ZNF652: variants seen among roughly 807,000 people sequenced by gnomAD.
The protein encoded by ZNF652 is zinc finger protein 652.
A neutral mutation model predicts 45.2 loss-of-function variants in ZNF652; 16 were observed. That is an observed-to-expected ratio of 0.35 (90% CI 0.24 to 0.54). The LOEUF is 0.54. Among genes scored for constraint, ZNF652 ranks in the 20% least tolerant of loss-of-function variants. The pLI, the probability that ZNF652 is intolerant of heterozygous loss-of-function variation, is 0.91. For missense variants in ZNF652, 614 were observed against 765.6 expected, an observed-to-expected ratio of 0.80 and a Z score of 2.34; for synonymous variants, 250 against 260.6, an observed-to-expected ratio of 0.96 and a Z score of 0.39.
At position 49,326,192 on chromosome 17, in the gene ZNF652, T is replaced by A. The variant is rs553428253; in HGVS notation, c.-258-8209A>T. On this transcript the variant is annotated intron_variant, in intron 1 of 5. Coordinates refer to ENST00000430262, the MANE Select transcript of ZNF652 (RefSeq NM_001145365.3). ...CTGTGGGAGGCCAAGGTGGGAGAAT[T>A]GCTTGAGCCCAGGAGACCAGCCTGG... Among the ~76,000 whole-genome samples the A allele has an allele frequency of 3.3e-4, 48 of 146,006 alleles. No individual in the cohort carries two copies. In the South Asian group the frequency reaches 0.01, roughly 31 times the overall value.
At chr17:49,301,372 A>C (rs1167700802) in intron 5 of ZNF652, among the ~76,000 whole-genome samples, 1 of 151,938 alleles carries the variant, frequency 6.6e-6, no homozygotes, top group African/African-American at 2.4e-5. Context: ...ATCTCAGCTC[A>C]CTGCAGCCTC....
At chr17:49,338,128 G>A (rs953995033) in intron 1 of ZNF652, among the ~76,000 whole-genome samples, 20 of 149,522 alleles carry the variant, frequency 1.3e-4, no homozygotes, top group African/African-American at 4.4e-4. Flanking sequence ...GCTGGCACAC[G>A]CCACCATGCC....
At position 49,291,969 on chromosome 17, in the gene ZNF652, T is replaced by C. The variant is rs1395450008; in HGVS notation, c.*6444A>G. On this transcript the variant is annotated 3_prime_UTR_variant, in exon 6 of 6. Coordinates refer to ENST00000430262, the MANE Select transcript of ZNF652 (RefSeq NM_001145365.3). Reference sequence around the variant, plus strand: ...ATAACCAATTCTCACAATTTTGCACTATCTCACCAATAATATCTTTCCTGT... The same window carrying C: ...ATAACCAATTCTCACAATTTTGCACCATCTCACCAATAATATCTTTCCTGT... Among the ~76,000 whole-genome samples the C allele has an allele frequency of 6.6e-6, 1 of 152,184 alleles. No homozygotes were observed. Among genetic ancestry groups the C allele is most frequent in the African/African-American group, 2.4e-5 (1 of 41,448 alleles).
chr17:49,317,638 C>A lies in ZNF652; in HGVS notation c.88G>T (p.Gly30Cys), dbSNP rs1454528928. 32 of 1,613,744 alleles carry A rather than the reference C, an allele frequency of 2.0e-5. No individual in the cohort carries two copies. Among genetic ancestry groups the A allele is most frequent in the Non-Finnish European group, 2.7e-5 (32 of 1,179,790 alleles). ...AGMAQEDSRR[G>C]QVPSSFYHGA... ...TGATAAAAGGAAGATGGCACTTGAC[C>A]ACGACGGCTATCTTCTTGTGCCATT... The change falls in exon 2 of 6, where the codon GGT becomes TGT. Residue 30 changes from glycine (G) to cysteine (C), a missense_variant. Gly to Cys is a radical substitution (Grantham distance 159). Coordinates refer to ENST00000430262, the MANE Select transcript of ZNF652 (RefSeq NM_001145365.3).
At chr17:49,318,337 A>G (rs992007070) in intron 1 of ZNF652, among the ~76,000 whole-genome samples, 2 of 152,180 alleles carry the variant, frequency 1.3e-5, no homozygotes, top group Admixed American at 6.5e-5. Flanking sequence ...GGGGCTCCCA[A>G]AGTGCTGGGA....
At position 49,293,679 on chromosome 17, in the gene ZNF652, A is replaced by C. The variant is rs953338516; in HGVS notation, c.*4734T>G. On this transcript the variant is annotated 3_prime_UTR_variant, in exon 6 of 6. Transcript: ENST00000430262. The stretch of plus-strand genomic sequence containing the variant: ...CTAAAAAAAAAAAAAAAAAAAAAAA[A>C]AAAAAACTCTTAAGTAATTTCCTAT... Among the ~76,000 whole-genome samples, 19 of 149,316 alleles carry C rather than the reference A, an allele frequency of 1.3e-4. No individual in the cohort carries two copies. Among genetic ancestry groups the C allele is most frequent in the Admixed American group, 2.7e-4 (4 of 14,874 alleles).
At chr17:49,313,731 G>A (rs566126137) in intron 2 of ZNF652, among the ~76,000 whole-genome samples, 10 of 151,712 alleles carry the variant, frequency 6.6e-5, no homozygotes, top group Middle Eastern at 3.4e-3. Flanking sequence ...CCAGCATTTC[G>A]GGAGGCCAAG....
chr17:49,324,734 CTTTTTTTTTTT>C (rs1185007907), intron 1 of ZNF652, among the ~76,000 whole-genome samples: 2 of 96,242 alleles, frequency 2.1e-5, no homozygotes, highest in African/African-American at 9.0e-5. Flanking sequence ...TGGGGTAGCA[CTTTTTTTTTTT>C]TTTTTTTTTT....
chr17:49,326,881 G>A (rs2069961482), intron 1 of ZNF652, among the ~76,000 whole-genome samples: 1 of 152,118 alleles, frequency 6.6e-6, no homozygotes, highest in Admixed American at 6.5e-5. Context: ...AGACTGCTAC[G>A]CATCACCTTC....
intron 1 of ZNF652, among the ~76,000 whole-genome samples, chr17:49,329,899 A>G (rs1375268925): frequency 6.6e-6 from 1 of 152,222 alleles, no homozygotes; most frequent in Non-Finnish European, 1.5e-5. Context: ...TAGTCATTAC[A>G]CAAGTCAGCT....
chr17:49,298,933 AAC>A lies in ZNF652; in HGVS notation c.1310-11_1310-10del, dbSNP rs753941419. 13 of 1,597,042 alleles carry A rather than the reference AAC, an allele frequency of 8.1e-6. No individual in the cohort carries two copies. The highest frequency in any genetic ancestry group is 8.5e-7 in the Non-Finnish European group (1 of 1,172,010). On this transcript the variant is annotated splice_polypyrimidine_tract_variant and intron_variant, in intron 5 of 5. Coordinates refer to ENST00000430262, the MANE Select transcript of ZNF652 (RefSeq NM_001145365.3). ...GATAAAGGGTTTCTCTCCTGAGATG[AAC>A]ACAGACATAAAAATGATTAACATAT...
chr17:49,316,754 G>A, intron 2 of ZNF652, 72 bp downstream of exon 2: 1 of 1,456,636 alleles, frequency 6.9e-7, no homozygotes, highest in Non-Finnish European at 9.2e-7. Context: ...TATTCTCTTG[G>A]GCGGATACCA....
intron 1 of ZNF652, among the ~76,000 whole-genome samples, chr17:49,347,902 A>T (rs1004568049): frequency 1.3e-5 from 2 of 151,354 alleles, no homozygotes; most frequent in East Asian, 3.9e-4. Flanking sequence ...GCACCACCAC[A>T]CCCAGCTAAG....
chr17:49,325,186 T>C (rs2143830837), intron 1 of ZNF652, among the ~76,000 whole-genome samples: 1 of 152,310 alleles, frequency 6.6e-6, no homozygotes, highest in African/African-American at 2.4e-5. Flanking sequence ...TAGCTTTTGA[T>C]TTAAAATTAG....
chr17:49,346,548 T>C (rs1173830982), intron 1 of ZNF652, among the ~76,000 whole-genome samples: 4 of 131,916 alleles, frequency 3.0e-5, no homozygotes, highest in African/African-American at 8.3e-5. Flanking sequence ...TGAAACTCCG[T>C]CTCAAACAAA....
intron 1 of ZNF652, among the ~76,000 whole-genome samples, chr17:49,332,222 C>T (rs1258950268): frequency 2.0e-4 from 31 of 152,014 alleles, no homozygotes; most frequent in Non-Finnish European, 1.5e-5. Context: ...GAGCTGAGAT[C>T]GCACCACTGC....
chr17:49,361,728 CA>C (rs1290491283), intron 1 of ZNF652, among the ~76,000 whole-genome samples, 180 bp downstream of exon 1: 2 of 152,028 alleles, frequency 1.3e-5, no homozygotes, highest in Admixed American at 6.5e-5. Context: ...CTGAGGAGCT[CA>C]GCGCCCGGGG....
In ZNF652 at chr17:49,317,238, G is replaced by A. The variant is rs2069820577; in HGVS notation, c.488C>T (p.Thr163Ile). ...EEEEESEEEA[T>I]DDSNDYGENE... ...CTCTCCATAGTCATTGCTGTCATCT[G>A]TGGCCTCTTCCTCACTCTCTTCCTC... is the stretch of plus-strand genomic sequence containing the variant. Residue 163 changes from threonine (T) to isoleucine (I), a missense_variant, in exon 2 of 6, where the codon ACA becomes ATA. Transcript: ENST00000430262. The A allele has an allele frequency of 1.2e-6, 2 of 1,612,964 alleles. No homozygotes were observed. Among genetic ancestry groups the A allele is most frequent in the African/African-American group, 1.3e-5 (1 of 74,832 alleles).
At chr17:49,343,473 C>G (rs2070170455) in intron 1 of ZNF652, among the ~76,000 whole-genome samples, 1 of 152,168 alleles carries the variant, frequency 6.6e-6, no homozygotes, top group South Asian at 2.1e-4. Context: ...GAACAGACTC[C>G]TGGCTTGCAG....
Sources: gnomAD v4.1 joint callset for allele counts (sites outside exome capture counted in the v4.1 genomes callset) on GRCh38, gnomAD v4.1.1 for gene constraint, MANE v1.5 for transcripts, NCBI Gene and HGNC (gene_info 2026-07-23, HGNC 2026-07-21) for gene names.